NAPEPLD: variants seen among roughly 807,000 people sequenced by gnomAD.
NAPEPLD encodes the protein N-acyl-phosphatidylethanolamine-hydrolyzing phospholipase D.
NAPEPLD carries 23 observed loss-of-function variants against 38.1 expected under a neutral mutation model. The observed-to-expected ratio is 0.60, with a 90% CI of 0.43 to 0.86. The LOEUF (loss-of-function observed/expected upper bound fraction) is 0.86. Among genes scored for constraint, NAPEPLD ranks in the 40% least tolerant of loss-of-function variants. NAPEPLD has a pLI of 0.00. For synonymous variants in NAPEPLD, 147 were observed against 162.0 expected, an observed-to-expected ratio of 0.91 and a Z score of 0.71; for missense variants, 411 against 476.8, an observed-to-expected ratio of 0.86 and a Z score of 1.28.
At chr7:103,124,625 C>G (rs1265739006) in intron 2 of NAPEPLD, among the ~76,000 whole-genome samples, 1 of 152,022 alleles carries the variant, frequency 6.6e-6, no homozygotes, top group Admixed American at 6.6e-5. Context: ...ATGGAAAATC[C>G]CAAGACTCAT....
At chr7:103,125,331 G>A (rs979393308) in intron 2 of NAPEPLD, among the ~76,000 whole-genome samples, 31 of 152,062 alleles carry the variant, frequency 2.0e-4, no homozygotes, top group Non-Finnish European at 4.4e-5. Flanking sequence ...TATCAAAATG[G>A]CTTAGTATTT....
At chr7:103,140,859 A>G (rs897757826) in intron 1 of NAPEPLD, among the ~76,000 whole-genome samples, 75 of 152,160 alleles carry the variant, frequency 4.9e-4, no homozygotes, top group Non-Finnish European at 2.1e-4. Context: ...AACTCATGAT[A>G]CTAATGGTGG....
chr7:103,145,732 T>G (rs1205842666), intron 1 of NAPEPLD, among the ~76,000 whole-genome samples: 1 of 152,226 alleles, frequency 6.6e-6, no homozygotes, highest in Non-Finnish European at 1.5e-5. Context: ...GATCTAGCTC[T>G]GGCTGATGAT....
In NAPEPLD at chr7:103,128,478, G is replaced by A. The variant is rs138171989; in HGVS notation, c.294+5C>T. The A allele has an allele frequency of 2.7e-4, 433 of 1,613,612 alleles. No homozygotes were observed. In the African/African-American group the frequency reaches 4.6e-3, roughly 17 times the overall value. Reference sequence around the variant, plus strand: ...TATAAAGCACTCAAAAAAGCCAAGCGCTACCTCTTTAGAACTTGGAACACT... The same window carrying A: ...TATAAAGCACTCAAAAAAGCCAAGCACTACCTCTTTAGAACTTGGAACACT... On this transcript the variant is annotated splice_donor_5th_base_variant and intron_variant, in intron 2 of 4. Coordinates refer to ENST00000465647, the MANE Select transcript of NAPEPLD (RefSeq NM_001122838.3).
intron 1 of NAPEPLD, among the ~76,000 whole-genome samples, chr7:103,140,687 T>A (rs907261938): frequency 1.3e-5 from 2 of 152,258 alleles, no homozygotes; most frequent in Admixed American, 1.3e-4. Context: ...ACAGGATTCC[T>A]ACCCGACCTC....
chr7:103,149,454 A>G (rs1486756501), upstream of NAPEPLD: 2 of 1,260,350 alleles, frequency 1.6e-6, no homozygotes, highest in East Asian at 7.4e-5. Flanking sequence ...AGCTGCAGGC[A>G]GCGCTTCAGC....
At chr7:103,138,222 T>C (rs1477162) in intron 1 of NAPEPLD, among the ~76,000 whole-genome samples, 135,822 of 152,096 alleles carry the variant, frequency 0.89, 62,621 homozygotes, top group East Asian at 1. Flanking sequence ...CATTTACTGT[T>C]CCTGAGCCAA....
At chr7:103,149,134 CAG>C (rs199510765), upstream of NAPEPLD, 17,088 of 987,696 alleles carry the variant, frequency 0.017, 161 homozygotes, top group Middle Eastern at 0.038. Context: ...GAGGAGGCAG[CAG>C]AGAGGTCACA....
intron 1 of NAPEPLD, among the ~76,000 whole-genome samples, chr7:103,138,372 T>C (rs938307609): frequency 2.0e-5 from 3 of 152,110 alleles, no homozygotes; most frequent in Non-Finnish European, 4.4e-5. Flanking sequence ...CATGTCTTCA[T>C]AGCTCCTGGA....
chr7:103,149,159 C>A (rs1022965181), upstream of NAPEPLD: 1 of 991,206 alleles, frequency 1.0e-6, no homozygotes, highest in Non-Finnish European at 1.2e-6. Flanking sequence ...GCACAGCAGG[C>A]GGGAGAAAAC....
At position 103,119,876 on chromosome 7, in the gene NAPEPLD, A is replaced by T. The variant is rs748717947; in HGVS notation, c.642T>A (p.Gly214=). 6.2e-7 allele frequency: 1 copy of T among 1,614,208 alleles called. No individual in the cohort carries two copies. The highest frequency in any genetic ancestry group is 2.2e-5 in the East Asian group (1 of 44,892). Residue 214 remains glycine, a synonymous_variant, in exon 3 of 5, where the codon GGT becomes GGA. Transcript: ENST00000465647. ...CACATTTTTGCATCCAGTCAAGGAGACCCAAAGGCACAAACCATCTCAACT... is the reference window on the plus strand; with the variant it reads ...CACATTTTTGCATCCAGTCAAGGAGTCCCAAAGGCACAAACCATCTCAACT... ...GNELRWFVPL[G]LLDWMQKCGC... is the part of the protein sequence containing the mutation.
intron 2 of NAPEPLD, among the ~76,000 whole-genome samples, chr7:103,120,938 C>T (rs1247073198): frequency 6.6e-6 from 1 of 151,934 alleles, no homozygotes; most frequent in Non-Finnish European, 1.5e-5. Flanking sequence ...TCTTGAACTC[C>T]TGGGCTCAAG....
chr7:103,128,130 T>G (rs931801866), intron 2 of NAPEPLD: 3 of 256,362 alleles, frequency 1.2e-5, no homozygotes, highest in Non-Finnish European at 2.2e-5. Context: ...TTCATGACCT[T>G]GTTCATGCCA....
At position 103,134,038 on chromosome 7, in the gene NAPEPLD, C is replaced by T. The variant is rs182708052; in HGVS notation, c.-16-5246G>A. The stretch of plus-strand genomic sequence containing the variant: ...GCCACTAAGGAAGTAAAAATGTTAT[C>T]AATTATAGTTAGGTCACACGTTATA... On this transcript the variant is annotated intron_variant, in intron 1 of 4. Transcript: ENST00000465647. 5.7e-3 allele frequency among the ~76,000 whole-genome samples: 864 copies of T among 152,168 alleles called. 12 individuals carry two copies. Among genetic ancestry groups the T allele is most frequent in the African/African-American group, 0.02 (824 of 41,490 alleles).
intron 1 of NAPEPLD, among the ~76,000 whole-genome samples, chr7:103,129,064 G>A (rs6465899): frequency 0.89 from 135,860 of 152,088 alleles, 62,654 homozygotes; most frequent in East Asian, 1. Context: ...TCGGGAGTTC[G>A]AGACCAGCCT....
rs891714508 is a variant in NAPEPLD, at chr7:103,100,360, C to A, written c.*3069G>T. 1.3e-5 allele frequency: 2 copies of A among 152,196 alleles called. No individual in the cohort carries two copies. The highest frequency in any genetic ancestry group is 2.9e-5 in the Non-Finnish European group (2 of 68,028). The allele number at this position is 152,196 out of a possible 1,614,324, so 9.4% of individuals were successfully genotyped here. A position where few individuals can be genotyped will look rare whatever the true frequency, so the allele number is the denominator to read the frequency against. ...GCAGCAGTAGATTCTAAAACTGTGT[C>A]TTCTTGTCCTCTCATTAGTTTGAAT... is the stretch of plus-strand genomic sequence containing the variant. On this transcript the variant is annotated 3_prime_UTR_variant, in exon 5 of 5. Transcript: ENST00000465647.
intron 4 of NAPEPLD, 35 bp from the exon 5 acceptor site, chr7:103,103,589 T>A: frequency 1.9e-6 from 3 of 1,560,072 alleles, no homozygotes; most frequent in Non-Finnish European, 1.7e-6. Flanking sequence ...TAGAAAAAGA[T>A]TAAACATATA....
rs1322987664 is a variant in NAPEPLD, at chr7:103,148,988, C to G, written c.-194G>C. ...TGCGAAAATTCAAATGAAGCCCTGT[C>G]GCTCACAAGTGCGGCATCTCCGAGA... On this transcript the variant is annotated 5_prime_UTR_variant, in exon 1 of 5. Transcript: ENST00000465647. 6.1e-6 allele frequency: 6 copies of G among 985,286 alleles called. No homozygotes were observed. The highest frequency in any genetic ancestry group is 7.2e-6 in the Non-Finnish European group (6 of 829,938). 61.0% of individuals were successfully genotyped at this position (985,286 alleles called of 1,614,324 possible).
rs374613484 is a variant in NAPEPLD, at chr7:103,119,722, G to T, written c.796C>A (p.Leu266Ile). The T allele has an allele frequency of 3.1e-6, 5 of 1,614,040 alleles. No homozygotes were observed. The highest frequency in any genetic ancestry group is 1.3e-5 in the African/African-American group (1 of 74,922). The change falls in exon 3 of 5, where the codon CTA (leucine) becomes ATA (isoleucine). Residue 266 changes from leucine to isoleucine, a missense_variant. By Grantham distance (5) the Leu-to-Ile change is conservative. Coordinates refer to ENST00000465647, the MANE Select transcript of NAPEPLD (RefSeq NM_001122838.3). ...CCCAAGACAGACCAGCTGCCCCATA[G>T]CACCTTGTTGTCATCCATTAGAGTC... ...KRTLMDDNKVLWGSWSVLGPW... is the reference protein window; with the variant it reads ...KRTLMDDNKVIWGSWSVLGPW...
Sources: allele counts gnomAD v4.1 joint callset (sites outside exome capture counted in the v4.1 genomes callset), GRCh38; gene constraint gnomAD v4.1.1; transcripts MANE v1.5; gene names NCBI Gene and HGNC (gene_info 2026-07-23, HGNC 2026-07-21).